The following MEI1 variants were observed in gnomAD, a reference collection of about 807,000 sequenced individuals.
MEI1 encodes meiosis inhibitor protein 1.
Under a neutral mutation model 146.2 loss-of-function variants are expected in MEI1, and 103 were observed. The observed-to-expected ratio is 0.70, with a 90% CI of 0.60 to 0.83. The LOEUF (loss-of-function observed/expected upper bound fraction) is 0.83, where lower values mean the gene tolerates loss of function less well. Ranked by LOEUF, MEI1 falls within the 40% of genes least tolerant of loss-of-function variation. The pLI is 0.00. For synonymous variants in MEI1, 652 were observed against 628.2 expected (o/e 1.04, Z -0.57); for missense variants, 1,529 against 1,533.0 (o/e 1.00, Z 0.04).
chr22:41,784,474 A>G (rs1256384393), intron 25 of MEI1, 54 bp downstream of exon 25: 7 of 1,604,600 alleles, frequency 4.4e-6, no homozygotes, highest in South Asian at 1.1e-5. Flanking sequence ...AGGTTTTCAG[A>G]TAAGACCAGC....
At chr22:41,716,245 T>G in intron 5 of MEI1, 99 bp downstream of exon 5, 2 of 782,446 alleles carry the variant, frequency 2.6e-6, no homozygotes, top group Non-Finnish European at 4.2e-6. Context: ...GGGAAGTCAT[T>G]ACTTTCCTGC....
chr22:41,766,720 A>C (rs970088085), intron 19 of MEI1, among the ~76,000 whole-genome samples: 1 of 150,914 alleles, frequency 6.6e-6, no homozygotes, highest in Non-Finnish European at 1.5e-5. Context: ...CTGGCTAATT[A>C]TTTTTATTTC....
chr22:41,787,972 T>G (rs897968467), intron 26 of MEI1, among the ~76,000 whole-genome samples: 1 of 152,176 alleles, frequency 6.6e-6, no homozygotes, highest in African/African-American at 2.4e-5. Flanking sequence ...CTCAAAAGTT[T>G]TGGATATGGG....
chr22:41,716,010 T>C, intron 4 of MEI1, 31 bp from the exon 5 acceptor site: 1 of 1,492,582 alleles, frequency 6.7e-7, no homozygotes, highest in Non-Finnish European at 9.2e-7. Context: ...TGATCCTAAT[T>C]GACAGAATGG....
At chr22:41,748,953 C>G (rs757395743) in intron 15 of MEI1, among the ~76,000 whole-genome samples, 2 of 152,098 alleles carry the variant, frequency 1.3e-5, no homozygotes, top group Non-Finnish European at 2.9e-5. Flanking sequence ...CAGGCGCCCG[C>G]CACCACGCCC....
In MEI1 at chr22:41,781,343, A is replaced by C; in HGVS notation, c.2875A>C (p.Asn959His). The change falls in exon 23 of 31, where the codon AAC (asparagine) becomes CAC (histidine). Residue 959 changes from asparagine (N) to histidine (H), a missense_variant. Asn to His is a moderately conservative substitution (Grantham distance 68). This residue lies in a region of MEI1 where 1,212 missense variants were observed against 1,178.9 expected (regional missense o/e 1.03). Transcript: ENST00000401548. ...TDVDILQPSF[N>H]FLYWSLHQTT... ...CGTGGACATCCTGCAGCCCTCCTTCAACTTCCTGTATTGGAGCCTTCATCA... is the reference window on the plus strand; with the variant it reads ...CGTGGACATCCTGCAGCCCTCCTTCCACTTCCTGTATTGGAGCCTTCATCA... The C allele has an allele frequency of 6.2e-7, 1 of 1,613,652 alleles. No individual in the cohort carries two copies.
At position 41,742,924 on chromosome 22, in the gene MEI1, C is replaced by T. The variant is rs191993777; in HGVS notation, c.1332-156C>T. Reference sequence around the variant, plus strand: ...CTCCCAAAGTGCTGGAATTAACAGGCGTGAGCCACCATTCCTGGCCTGGAG... The same window carrying T: ...CTCCCAAAGTGCTGGAATTAACAGGTGTGAGCCACCATTCCTGGCCTGGAG... On this transcript the variant is annotated intron_variant, in intron 11 of 30. Transcript: ENST00000401548. Among the ~76,000 whole-genome samples, 17 of 152,298 alleles carry T rather than the reference C, an allele frequency of 1.1e-4. 1 individual carries two copies. The highest frequency in any genetic ancestry group is 1.0e-3 in the Admixed American group (16 of 15,300).
At chr22:41,730,867 A>G (rs2071796741) in intron 9 of MEI1, among the ~76,000 whole-genome samples, 1 of 152,138 alleles carries the variant, frequency 6.6e-6, no homozygotes, top group Non-Finnish European at 1.5e-5. Context: ...TCAGCAAGGG[A>G]AGGACACTTC....
At chr22:41,775,161 T>C (rs2148088695) in intron 20 of MEI1, among the ~76,000 whole-genome samples, 1 of 152,322 alleles carries the variant, frequency 6.6e-6, no homozygotes, top group East Asian at 1.9e-4. Flanking sequence ...CTTTAACATA[T>C]ACTCACTAAA....
At chr22:41,724,109 T>C in intron 7 of MEI1, 36 bp downstream of exon 7, 1 of 1,611,694 alleles carries the variant, frequency 6.2e-7, no homozygotes, top group Non-Finnish European at 8.5e-7. Flanking sequence ...CTAGGTTCAA[T>C]AACAAGGGGA....
chr22:41,787,465 G>A (rs955624768), intron 26 of MEI1, among the ~76,000 whole-genome samples: 1 of 152,278 alleles, frequency 6.6e-6, no homozygotes, highest in South Asian at 2.1e-4. Context: ...GTCCACAGGC[G>A]GGAAAAACTG....
At chr22:41,740,593 C>T (rs1043183105) in intron 11 of MEI1, among the ~76,000 whole-genome samples, 1 of 151,964 alleles carries the variant, frequency 6.6e-6, no homozygotes, top group African/African-American at 2.4e-5. Context: ...ATTATCCAAG[C>T]TTGGTGTATG....
At chr22:41,752,079 A>G (rs1352214599) in intron 15 of MEI1, among the ~76,000 whole-genome samples, 1 of 152,114 alleles carries the variant, frequency 6.6e-6, no homozygotes, top group African/African-American at 2.4e-5. Flanking sequence ...AGGAAAAAAA[A>G]AAAAAGAAAA....
At chr22:41,777,723 G>C (rs553214748) in intron 21 of MEI1, among the ~76,000 whole-genome samples, 2 of 152,258 alleles carry the variant, frequency 1.3e-5, no homozygotes, top group East Asian at 1.9e-4. Context: ...ATTTCTCCCA[G>C]TTTTGGGGGC....
intron 15 of MEI1, among the ~76,000 whole-genome samples, chr22:41,749,428 A>G (rs2073587754): frequency 6.6e-6 from 1 of 152,090 alleles, no homozygotes; most frequent in Non-Finnish European, 1.5e-5. Flanking sequence ...GGCATGTGCC[A>G]CCATGCCCGG....
At chr22:41,776,289 G>A in intron 21 of MEI1, 22 bp downstream of exon 21, 1 of 1,611,762 alleles carries the variant, frequency 6.2e-7, no homozygotes, top group Middle Eastern at 1.9e-4. Flanking sequence ...GGTGCTGTGG[G>A]CACACTTTGA....
In MEI1 at chr22:41,745,927, T is replaced by A; in HGVS notation, c.1581T>A (p.Asn527Lys). 1 of 1,613,484 alleles carries A rather than the reference T, an allele frequency of 6.2e-7. No individual in the cohort carries two copies. The highest frequency in any genetic ancestry group is 8.5e-7 in the Non-Finnish European group (1 of 1,179,566). The part of the protein sequence containing the change: ...EFQSEPSAQE[N>K]PFTAPSAKKE... ...AGAGTGAGCCTTCAGCCCAGGAGAATCCATTCACAGCTCCCAGCGCCAAGA... is the reference window on the plus strand; with the variant it reads ...AGAGTGAGCCTTCAGCCCAGGAGAAACCATTCACAGCTCCCAGCGCCAAGA... Residue 527 changes from asparagine to lysine, a missense_variant, in exon 14 of 31, where the codon AAT (asparagine) becomes AAA (lysine). Physicochemically the swap from Asn to Lys is moderately conservative, Grantham distance 94. Around this residue, in one of 3 missense-constraint regions of MEI1, gnomAD observed 1,212 missense variants for 1,178.9 expected, o/e 1.03. Coordinates refer to ENST00000401548, the MANE Select transcript of MEI1 (RefSeq NM_152513.4).
intron 3 of MEI1, among the ~76,000 whole-genome samples, chr22:41,711,339 A>AT (rs1335907520): frequency 6.6e-6 from 1 of 152,012 alleles, no homozygotes; most frequent in Non-Finnish European, 1.5e-5. Context: ...CGCCCGGCTA[A>AT]TTTTTTTGTA....
chr22:41,711,067 T>C (rs1448857018), intron 3 of MEI1, among the ~76,000 whole-genome samples: 2 of 152,240 alleles, frequency 1.3e-5, no homozygotes, highest in Non-Finnish European at 2.9e-5. Context: ...TCTTCTTTAA[T>C]AGATGTTCTT....
Sources: allele counts gnomAD v4.1 joint callset (sites outside exome capture counted in the v4.1 genomes callset), GRCh38; gene constraint gnomAD v4.1.1; regional missense constraint gnomAD v4.1.1; transcripts MANE v1.5; gene names NCBI Gene and HGNC (gene_info 2026-07-23, HGNC 2026-07-21).